The following TSPAN9 variants were observed in gnomAD, a reference collection of about 807,000 sequenced individuals.
The protein encoded by TSPAN9 is tetraspanin-9.
A neutral mutation model predicts 31.0 loss-of-function variants in TSPAN9; 16 were observed. That is an observed-to-expected ratio of 0.52 (90% CI 0.35 to 0.78). The LOEUF (loss-of-function observed/expected upper bound fraction) is 0.78, where lower values mean the gene tolerates loss of function less well. Ranked by LOEUF, TSPAN9 falls within the 30% of genes least tolerant of loss-of-function variation. TSPAN9 has a pLI of 0.01. For synonymous variants in TSPAN9, 145 were observed against 121.6 expected, an observed-to-expected ratio of 1.19 and a Z score of -1.27; for missense variants, 272 against 312.5, an observed-to-expected ratio of 0.87 and a Z score of 0.98.
At chr12:3,210,716 A>G (rs1591679498) in intron 3 of TSPAN9, among the ~76,000 whole-genome samples, 1 of 150,056 alleles carries the variant, frequency 6.7e-6, no homozygotes, top group East Asian at 1.9e-4. Context: ...TATTTAAGAA[A>G]TACATGCTAT....
intron 2 of TSPAN9, among the ~76,000 whole-genome samples, chr12:3,138,846 A>G (rs515245): frequency 0.82 from 125,126 of 152,132 alleles, 51,651 homozygotes; most frequent in East Asian, 0.93. Flanking sequence ...CCCTGCACTT[A>G]TCTGACTGCT....
chr12:3,179,743 A>T (rs532282988), intron 2 of TSPAN9, among the ~76,000 whole-genome samples: 1 of 152,352 alleles, frequency 6.6e-6, no homozygotes, highest in Admixed American at 6.5e-5. Context: ...CATATTGTCC[A>T]TTCCAGATTT....
rs886920606 is a variant in TSPAN9, at chr12:3,192,566, C to T, written c.-17-8611C>T. 2.6e-4 allele frequency among the ~76,000 whole-genome samples: 39 copies of T among 152,224 alleles called. No homozygotes were observed. The highest frequency in any genetic ancestry group is 2.0e-3 in the Admixed American group (30 of 15,296). On this transcript the variant is annotated intron_variant, in intron 2 of 8. Transcript: ENST00000011898. The surrounding 1 kb of genome is among the most constrained non-coding windows in gnomAD (Gnocchi z 4.6). ...TTTGTTGAGAAGGAGCGGATAGTGC[C>T]AGGGAGCACATCCGGGGCAAGGTCA... is the stretch of plus-strand genomic sequence containing the variant.
At chr12:3,244,040 G>A (rs931790445) in intron 3 of TSPAN9, among the ~76,000 whole-genome samples, 8 of 152,324 alleles carry the variant, frequency 5.3e-5, no homozygotes, top group Middle Eastern at 3.4e-3. Flanking sequence ...CAGCTTGCCC[G>A]TTGGGACTGC....
chr12:3,224,632 C>T (rs1056268144), intron 3 of TSPAN9, among the ~76,000 whole-genome samples: 3 of 152,178 alleles, frequency 2.0e-5, no homozygotes, highest in Non-Finnish European at 2.9e-5. Flanking sequence ...GGGCAGGATC[C>T]GCGTGGTTGA....
intron 2 of TSPAN9, among the ~76,000 whole-genome samples, chr12:3,137,619 C>G (rs2098332715): frequency 6.6e-6 from 1 of 152,120 alleles, no homozygotes; most frequent in South Asian, 2.1e-4. Context: ...ATCCCAGGCT[C>G]CAACATCCTG....
chr12:3,182,164 A>G (rs2098358866), intron 2 of TSPAN9, among the ~76,000 whole-genome samples: 1 of 151,942 alleles, frequency 6.6e-6, no homozygotes, highest in Non-Finnish European at 1.5e-5. Context: ...CCCTTTCTGA[A>G]AGGTGGGCTG....
intron 3 of TSPAN9, among the ~76,000 whole-genome samples, chr12:3,215,555 C>T (rs1263231715): frequency 6.6e-6 from 1 of 152,200 alleles, no homozygotes; most frequent in Non-Finnish European, 1.5e-5. Flanking sequence ...ATCTCTCAGC[C>T]TTCCTAGAGG....
chr12:3,227,635 A>AGGCCC (rs1218693486), intron 3 of TSPAN9, among the ~76,000 whole-genome samples: 3 of 152,212 alleles, frequency 2.0e-5, no homozygotes, highest in Non-Finnish European at 4.4e-5. Flanking sequence ...CTTGCGTGCC[A>AGGCCC]GGCCCGGCCC....
intron 3 of TSPAN9, among the ~76,000 whole-genome samples, chr12:3,256,796 G>A (rs1862355748): frequency 6.6e-6 from 1 of 152,106 alleles, no homozygotes; most frequent in Non-Finnish European, 1.5e-5. Context: ...CTTCAAGAGG[G>A]TCCATCCAAG....
At chr12:3,105,737 C>T (rs1341436400) in intron 2 of TSPAN9, among the ~76,000 whole-genome samples, 1 of 146,428 alleles carries the variant, frequency 6.8e-6, no homozygotes, top group Non-Finnish European at 1.5e-5. Context: ...CACGCGCGTG[C>T]ACACACACAC....
intron 3 of TSPAN9, among the ~76,000 whole-genome samples, chr12:3,232,577 G>A (rs548718236): frequency 6.6e-6 from 1 of 152,362 alleles, no homozygotes; most frequent in East Asian, 1.9e-4. Context: ...CTTTGCATCG[G>A]AATCACCTGG....
intron 2 of TSPAN9, among the ~76,000 whole-genome samples, chr12:3,174,789 A>C (rs904207827): frequency 4.0e-5 from 6 of 149,052 alleles, no homozygotes; most frequent in Admixed American, 2.0e-4. Context: ...TCACCGTGTT[A>C]GCCAGGATGG....
intron 2 of TSPAN9, among the ~76,000 whole-genome samples, chr12:3,166,156 G>C (rs186232282): frequency 9.2e-5 from 14 of 152,324 alleles, no homozygotes; most frequent in Middle Eastern, 3.4e-3. Context: ...ACATGGGAAA[G>C]ACACAGAATT....
intron 3 of TSPAN9, among the ~76,000 whole-genome samples, chr12:3,205,728 C>A (rs928759637): frequency 2.6e-5 from 4 of 151,528 alleles, no homozygotes; most frequent in African/African-American, 4.9e-5. Flanking sequence ...GCCCCCCCCC[C>A]CCAGAGTGCT....
At chr12:3,226,692 GTGTGTGTGTGTGTGTATGTGTA>G (rs1201486567) in intron 3 of TSPAN9, among the ~76,000 whole-genome samples, 2 of 17,254 alleles carry the variant, frequency 1.2e-4, no homozygotes, top group Admixed American at 1.0e-3. Flanking sequence ...GTGTGTGTGT[GTGTGTGTGTGTGTGTATGTGTA>G]TGTATGTGTG....
chr12:3,281,912 G>A (rs1470774842), intron 8 of TSPAN9, 95 bp downstream of exon 8: 5 of 1,373,552 alleles, frequency 3.6e-6, no homozygotes, highest in Non-Finnish European at 5.1e-6. Flanking sequence ...TTGGTACACG[G>A]CGGAGGGTCT....
At chr12:3,237,721 C>G (rs1373568456) in intron 3 of TSPAN9, among the ~76,000 whole-genome samples, 1 of 152,204 alleles carries the variant, frequency 6.6e-6, no homozygotes, top group African/African-American at 2.4e-5. Flanking sequence ...CAAGTCTCCC[C>G]CTCCCCAGGC....
chr12:3,259,921 A>G (rs1365124227), intron 3 of TSPAN9, among the ~76,000 whole-genome samples: 1 of 152,260 alleles, frequency 6.6e-6, no homozygotes, highest in African/African-American at 2.4e-5. Flanking sequence ...ATAGCAGTGT[A>G]GCAGTGGAGG....
Sources: allele counts gnomAD v4.1 joint callset (sites outside exome capture counted in the v4.1 genomes callset), GRCh38; gene constraint gnomAD v4.1.1; non-coding constraint Gnocchi (gnomAD v3.1); transcripts MANE v1.5; gene names NCBI Gene and HGNC (gene_info 2026-07-23, HGNC 2026-07-21).